The following SULT1C2 variants were observed in gnomAD, a reference collection of about 807,000 sequenced individuals.
SULT1C2 encodes sulfotransferase family 1C member 2.
Under a neutral mutation model 36.0 loss-of-function variants are expected in SULT1C2, and 27 were observed. The ratio of observed to expected loss-of-function variants is 0.75; its 90% CI spans 0.55 to 1.03. The LOEUF is 1.03. Ranked by LOEUF, SULT1C2 falls within the 50% of genes least tolerant of loss-of-function variation. The pLI, the probability that SULT1C2 is intolerant of heterozygous loss-of-function variation, is 0.00. For synonymous variants in SULT1C2, 121 were observed against 116.0 expected (o/e 1.04, Z -0.27); for missense variants, 395 against 359.2 (o/e 1.10, Z -0.80).
chr2:108,301,518 T>G, intron 4 of SULT1C2: 1 of 152,358 alleles, frequency 6.6e-6, no homozygotes, highest in Non-Finnish European at 1.5e-5. Context: ...GAGGCGGAGC[T>G]TGCAGTGAGC....
intron 3 of SULT1C2, chr2:108,300,609 C>A: frequency 1.6e-6 from 1 of 639,968 alleles, no homozygotes; most frequent in Non-Finnish European, 2.4e-6. Context: ...TCACCTCATC[C>A]TTAAAGTGAC....
intron 3 of SULT1C2, among the ~76,000 whole-genome samples, chr2:108,297,266 G>A: frequency 6.6e-6 from 1 of 152,134 alleles, no homozygotes. Context: ...AGGGTGAGGG[G>A]AACATGGCCA....
chr2:108,296,373 C>G (rs559512056), intron 3 of SULT1C2, among the ~76,000 whole-genome samples: 1 of 151,626 alleles, frequency 6.6e-6, no homozygotes, highest in Non-Finnish European at 1.5e-5. Context: ...GTGAGAATAA[C>G]AAACAGTCTC....
intron 4 of SULT1C2, chr2:108,304,241 G>A (rs1676962857): frequency 1.1e-5 from 2 of 186,082 alleles, no homozygotes; most frequent in South Asian, 1.6e-4. Context: ...ATCAGTTTAC[G>A]TTGATACTGT....
At position 108,304,686 on chromosome 2, in the gene SULT1C2, T is replaced by C. The variant is rs774191220; in HGVS notation, c.488T>C (p.Phe163Ser). The C allele has an allele frequency of 1.1e-5, 18 of 1,612,890 alleles. No individual in the cohort carries two copies. In the East Asian group the frequency reaches 3.8e-4, roughly 34 times the overall value. ...PGTWEEYFET[F>S]INGKVVWGSW... Reference sequence around the variant, plus strand: ...ACCTGGGAAGAGTATTTTGAAACCTTCATCAATGGAAAAGGTACGGGAACA... The same window carrying C: ...ACCTGGGAAGAGTATTTTGAAACCTCCATCAATGGAAAAGGTACGGGAACA... Residue 163 changes from phenylalanine to serine, a missense_variant, in exon 5 of 8, where the codon TTC (phenylalanine) becomes TCC (serine). Phe to Ser is a radical substitution (Grantham distance 155). Coordinates refer to ENST00000251481, the MANE Select transcript of SULT1C2 (RefSeq NM_001056.4).
chr2:108,302,325 G>A (rs1174132656), intron 4 of SULT1C2: 1 of 152,264 alleles, frequency 6.6e-6, no homozygotes, highest in African/African-American at 2.4e-5. Context: ...GATGGGTGGA[G>A]GAGGCAGAGA....
chr2:108,297,771 A>G (rs2104416892), intron 3 of SULT1C2, among the ~76,000 whole-genome samples: 1 of 152,264 alleles, frequency 6.6e-6, no homozygotes, highest in East Asian at 1.9e-4. Context: ...CAACTGCTTT[A>G]TGTCAAGCCC....
rs1677037337 is a variant in SULT1C2 at position 108,306,810 on chromosome 2, G to A, written c.778+1215G>A. ...AGTCCCAGCTATTCGGGAGGCTCAT[G>A]CAGGAGAATCACTTGAACCCAGGAG... On this transcript the variant is annotated intron_variant, in intron 7 of 7. Coordinates refer to ENST00000251481, the MANE Select transcript of SULT1C2 (RefSeq NM_001056.4). Among the ~76,000 whole-genome samples the A allele has an allele frequency of 2.0e-5, 3 of 152,090 alleles. No homozygotes were observed. In the South Asian group the frequency reaches 6.2e-4, roughly 32 times the overall value.
chr2:108,304,728 A>G (rs1470199920), intron 5 of SULT1C2, 28 bp downstream of exon 5: 2 of 1,593,474 alleles, frequency 1.3e-6, no homozygotes, highest in Admixed American at 3.6e-5. Context: ...ACACCCTTGC[A>G]TTCTCACTCC....
chr2:108,306,799 G>A (rs897489628), intron 7 of SULT1C2, among the ~76,000 whole-genome samples: 28 of 151,522 alleles, frequency 1.8e-4, no homozygotes, highest in Admixed American at 1.2e-3. Context: ...CCAGCTATTC[G>A]GGAGGCTCAT....
intron 7 of SULT1C2, among the ~76,000 whole-genome samples, chr2:108,306,764 G>A (rs966714683): frequency 6.6e-5 from 10 of 151,956 alleles, no homozygotes; most frequent in Admixed American, 1.3e-4. Context: ...AAATTAGCTG[G>A]GCGTGGTGGT....
At chr2:108,308,039 T>C (rs1677065425) in intron 7 of SULT1C2, among the ~76,000 whole-genome samples, 1 of 152,220 alleles carries the variant, frequency 6.6e-6, no homozygotes, top group South Asian at 2.1e-4. Context: ...TGTGTGTCTG[T>C]AGTTCATCAT....
At chr2:108,292,300 C>T (rs1676611801) in intron 1 of SULT1C2, among the ~76,000 whole-genome samples, 1 of 151,928 alleles carries the variant, frequency 6.6e-6, no homozygotes, top group Admixed American at 6.6e-5. Flanking sequence ...TTCTGGAACC[C>T]CAGTAGCCAG....
intron 7 of SULT1C2, among the ~76,000 whole-genome samples, chr2:108,306,089 A>T (rs1677018418): frequency 6.6e-6 from 1 of 152,270 alleles, no homozygotes; most frequent in South Asian, 2.1e-4. Flanking sequence ...CTCCCACTTT[A>T]TAACTTCTGA....
At chr2:108,291,356 T>C (rs796756475) in intron 1 of SULT1C2, among the ~76,000 whole-genome samples, 20 of 152,288 alleles carry the variant, frequency 1.3e-4, no homozygotes, top group African/African-American at 4.3e-4. Context: ...ACCGGGATAA[T>C]ACAGGACATG....
intron 2 of SULT1C2, 73 bp from the exon 3 acceptor site, chr2:108,294,156 C>G: frequency 1.3e-6 from 2 of 1,579,904 alleles, no homozygotes; most frequent in South Asian, 2.3e-5. Flanking sequence ...ACATCCTCTT[C>G]GTTTACTCGG....
intron 3 of SULT1C2, 112 bp from the exon 4 acceptor site, chr2:108,300,726 A>G (rs1676847567): frequency 1.4e-6 from 2 of 1,470,148 alleles, no homozygotes; most frequent in Non-Finnish European, 1.8e-6. Context: ...GAAAGTCAAG[A>G]GACTAGCAGA....
At chr2:108,291,255 C>T (rs1204829907) in intron 1 of SULT1C2, among the ~76,000 whole-genome samples, 1 of 152,216 alleles carries the variant, frequency 6.6e-6, no homozygotes, top group East Asian at 1.9e-4. Context: ...TGCTTCCAAA[C>T]TCTCCAGCCA....
At chr2:108,302,315 G>A (rs1352195179) in intron 4 of SULT1C2, 1 of 152,254 alleles carries the variant, frequency 6.6e-6, no homozygotes, top group Admixed American at 6.5e-5. Flanking sequence ...ATCCTCAATG[G>A]ATGGGTGGAG....
Sources: gnomAD v4.1 joint callset for allele counts (sites outside exome capture counted in the v4.1 genomes callset) on GRCh38, gnomAD v4.1.1 for gene constraint, MANE v1.5 for transcripts, NCBI Gene and HGNC (gene_info 2026-07-23, HGNC 2026-07-21) for gene names.